The following FHIT variants were observed in gnomAD, a reference collection of about 807,000 sequenced individuals.
FHIT encodes bis(5'-adenosyl)-triphosphatase.
In FHIT, 19 loss-of-function variants were observed where a neutral mutation model predicts 17.9. The ratio of observed to expected loss-of-function variants is 1.06; its 90% CI spans 0.74 to 1.56. The LOEUF (loss-of-function observed/expected upper bound fraction) is 1.56, where lower values mean the gene tolerates loss of function less well. Among genes scored for constraint, FHIT ranks in the 40% most tolerant of loss-of-function variants. The pLI is 0.00. For missense variants in FHIT, 248 were observed against 189.2 expected (o/e 1.31, Z -1.82); for synonymous variants, 81 against 69.7 (o/e 1.16, Z -0.81).
At chr3:60,058,147 T>G (rs991734722) in intron 5 of FHIT, among the ~76,000 whole-genome samples, 1 of 138,694 alleles carries the variant, frequency 7.2e-6, no homozygotes. Flanking sequence ...TTTTTTTTTT[T>G]TTTTTTTTTT....
At chr3:59,849,699 T>A (rs1701859364) in intron 8 of FHIT, among the ~76,000 whole-genome samples, 4 of 152,348 alleles carry the variant, frequency 2.6e-5, no homozygotes, top group Admixed American at 2.0e-4. Context: ...GTTTACCAAT[T>A]AATGACGAAC....
intron 5 of FHIT, among the ~76,000 whole-genome samples, chr3:60,486,367 T>A (rs2033840585): frequency 6.6e-6 from 1 of 152,126 alleles, no homozygotes; most frequent in African/African-American, 2.4e-5. Context: ...AAATAGAGGA[T>A]CACAAAAAGA....
rs562476961 is a variant in FHIT at position 60,092,480 on chromosome 3, A to G, written c.104-78328T>C. Among the ~76,000 whole-genome samples the G allele has an allele frequency of 2.6e-5, 4 of 152,332 alleles. No homozygotes were observed. The East Asian group carries it at 7.7e-4, about 29-fold the overall frequency. ...GAGATTTTCAAAATCATGCTTTTAC[A>G]ATGTCTACATTAAGGTCTGGCTTTT... On this transcript the variant is annotated intron_variant, in intron 5 of 9. Coordinates refer to ENST00000492590, the MANE Select transcript of FHIT (RefSeq NM_002012.4).
intron 2 of FHIT, among the ~76,000 whole-genome samples, chr3:61,149,202 G>A (rs2037313406): frequency 6.6e-6 from 1 of 152,122 alleles, no homozygotes; most frequent in East Asian, 1.9e-4. Context: ...ACCAGTGGAT[G>A]GCAGAGTAAT....
chr3:60,289,351 C>T (rs905305495), intron 5 of FHIT, among the ~76,000 whole-genome samples: 10 of 152,072 alleles, frequency 6.6e-5, no homozygotes, highest in Non-Finnish European at 1.0e-4. Flanking sequence ...TACAGAAGTG[C>T]TACATTAAAA....
intron 4 of FHIT, among the ~76,000 whole-genome samples, chr3:60,710,928 C>G (rs1553704901): frequency 6.6e-6 from 1 of 152,324 alleles, no homozygotes; most frequent in African/African-American, 2.4e-5. Context: ...CAGTGGTTCT[C>G]CCAGCATGCA....
chr3:60,970,674 T>C lies in FHIT; in HGVS notation c.-111+71373A>G, dbSNP rs888451492. Among the ~76,000 whole-genome samples the C allele has an allele frequency of 1.2e-4, 18 of 152,346 alleles. No homozygotes were observed. In the East Asian group the frequency reaches 1.9e-3, roughly 16 times the overall value. On this transcript the variant is annotated intron_variant, in intron 3 of 9. Coordinates refer to ENST00000492590, the MANE Select transcript of FHIT (RefSeq NM_002012.4). ...TTTCTTGACTTATTAGAATCTACCA[T>C]AATTGATACTTTTATCCTGTCTGGA...
At chr3:60,440,422 A>G (rs888333464) in intron 5 of FHIT, among the ~76,000 whole-genome samples, 3 of 152,134 alleles carry the variant, frequency 2.0e-5, no homozygotes, top group African/African-American at 7.2e-5. Context: ...CATGTCAAAT[A>G]GGGCTCATAC....
In FHIT at chr3:60,928,949, C is replaced by T. The variant is rs183642732; in HGVS notation, c.-110-106938G>A. Among the ~76,000 whole-genome samples the T allele has an allele frequency of 3.7e-4, 56 of 152,200 alleles. No individual in the cohort carries two copies. In the Middle Eastern group the frequency reaches 0.01, roughly 28 times the overall value. ...TTAGACCAATATCCCTGATGAACAT[C>T]GATGCAGAAATCCTCAATAAAATAC... On this transcript the variant is annotated intron_variant, in intron 3 of 9. Coordinates refer to ENST00000492590, the MANE Select transcript of FHIT (RefSeq NM_002012.4).
chr3:59,944,272 T>C (rs1368908213), intron 7 of FHIT, among the ~76,000 whole-genome samples: 5 of 152,180 alleles, frequency 3.3e-5, no homozygotes, highest in African/African-American at 1.2e-4. Context: ...GTATAGTTAG[T>C]TCAATGCCAT....
At chr3:60,674,126 A>G (rs1381079851) in intron 4 of FHIT, among the ~76,000 whole-genome samples, 2 of 152,002 alleles carry the variant, frequency 1.3e-5, no homozygotes, top group Non-Finnish European at 2.9e-5. Context: ...AGATCAGACA[A>G]TTTCTACTGA....
intron 8 of FHIT, among the ~76,000 whole-genome samples, chr3:59,829,809 C>T (rs748822033): frequency 4.6e-5 from 7 of 152,086 alleles, no homozygotes; most frequent in African/African-American, 9.7e-5. Context: ...TTATACAATA[C>T]AGAAAATAGA....
At chr3:59,775,179 T>C (rs1702249789) in intron 8 of FHIT, among the ~76,000 whole-genome samples, 1 of 152,196 alleles carries the variant, frequency 6.6e-6, no homozygotes, top group South Asian at 2.1e-4. Flanking sequence ...TGATGATTTC[T>C]ATTCATCCCG....
At chr3:60,890,388 C>A (rs1705455149) in intron 3 of FHIT, among the ~76,000 whole-genome samples, 1 of 152,110 alleles carries the variant, frequency 6.6e-6, no homozygotes, top group Non-Finnish European at 1.5e-5. Flanking sequence ...AGTGATTGAC[C>A]CAGCCTACAC....
rs144953452 is a variant in FHIT at position 60,115,371 on chromosome 3, T to C, written c.104-101219A>G. Among the ~76,000 whole-genome samples the C allele has an allele frequency of 3.3e-5, 5 of 152,282 alleles. No individual in the cohort carries two copies. In the East Asian group the frequency reaches 9.6e-4, roughly 29 times the overall value. On this transcript the variant is annotated intron_variant, in intron 5 of 9. Coordinates refer to ENST00000492590, the MANE Select transcript of FHIT (RefSeq NM_002012.4). ...TTTAAAGCATGAGTAGTTCACAGAA[T>C]AAGAAATATATGTGGTTAACTACCA... is the stretch of plus-strand genomic sequence containing the variant.
intron 3 of FHIT, among the ~76,000 whole-genome samples, chr3:60,966,447 G>A (rs918829979): frequency 1.1e-4 from 16 of 152,268 alleles, no homozygotes; most frequent in East Asian, 3.9e-4. Context: ...CCCACTGTCC[G>A]ACAAGCCCCA....
In FHIT at chr3:59,986,572, T is replaced by C. The variant is rs1228222733; in HGVS notation, c.279+24799A>G. ...ACACACACACACACACACACACATA[T>C]ATACACACACACACACACACACACA... On this transcript the variant is annotated intron_variant, in intron 7 of 9. Coordinates refer to ENST00000492590, the MANE Select transcript of FHIT (RefSeq NM_002012.4). Among the ~76,000 whole-genome samples the C allele has an allele frequency of 2.2e-3, 150 of 67,330 alleles. 2 individuals are homozygous for C. The highest frequency in any genetic ancestry group is 0.012 in the African/African-American group (122 of 9,776). The allele number at this position is 67,330 out of a possible 152,430, so 44.2% of individuals were successfully genotyped here.
intron 4 of FHIT, among the ~76,000 whole-genome samples, chr3:60,643,281 T>C (rs1173187039): frequency 6.6e-6 from 1 of 152,064 alleles, no homozygotes; most frequent in African/African-American, 2.4e-5. Context: ...ACACATCCTA[T>C]GCTCATAGAT....
chr3:60,769,133 G>A (rs1433160038), intron 4 of FHIT, among the ~76,000 whole-genome samples: 1 of 151,906 alleles, frequency 6.6e-6, no homozygotes, highest in Non-Finnish European at 1.5e-5. Context: ...AATTTAGTTG[G>A]TGCTCATGGG....
Sources: allele counts gnomAD v4.1 joint callset (sites outside exome capture counted in the v4.1 genomes callset), GRCh38; gene constraint gnomAD v4.1.1; transcripts MANE v1.5; gene names NCBI Gene and HGNC (gene_info 2026-07-23, HGNC 2026-07-21).